The following NRG2 variants were observed in gnomAD, a reference collection of about 807,000 sequenced individuals.
The protein encoded by NRG2 is pro-neuregulin-2, membrane-bound isoform.
Under a neutral mutation model 73.9 loss-of-function variants are expected in NRG2, and 27 were observed. The observed-to-expected ratio is 0.37, with a 90% CI of 0.27 to 0.50. The LOEUF (loss-of-function observed/expected upper bound fraction) is 0.50, where lower values mean the gene tolerates loss of function less well. NRG2 is among the 20% of genes least tolerant of loss of function. NRG2 has a pLI of 0.96. For synonymous variants in NRG2, 532 were observed against 541.0 expected, an observed-to-expected ratio of 0.98 and a Z score of 0.23; for missense variants, 1,126 against 1,210.1, an observed-to-expected ratio of 0.93 and a Z score of 1.03.
At chr5:139,956,592 T>C (rs1428707128) in intron 1 of NRG2, among the ~76,000 whole-genome samples, 6 of 152,126 alleles carry the variant, frequency 3.9e-5, no homozygotes, top group African/African-American at 1.4e-4. Flanking sequence ...GAGGACATGA[T>C]AGTCTGAATG....
chr5:140,043,248 G>C lies in NRG2; in HGVS notation c.-179C>G. The C allele has an allele frequency of 1.6e-6, 1 of 616,094 alleles. No homozygotes were observed. The highest frequency in any genetic ancestry group is 2.7e-6 in the Non-Finnish European group (1 of 367,194). 38.2% of individuals were successfully genotyped at this position (616,094 alleles called of 1,614,324 possible). On this transcript the variant is annotated 5_prime_UTR_variant, in exon 1 of 10. Coordinates refer to ENST00000361474, the MANE Select transcript of NRG2 (RefSeq NM_004883.3). The surrounding 1 kb of genome is among the most constrained non-coding windows in gnomAD (Gnocchi z 6.7). ...GGCGGCAAGCGGGCCGCGATGCGCA[G>C]CGCGGCGCAGCGCAGCGCTCCCACC...
In NRG2 at chr5:140,017,682, C is replaced by T. The variant is rs541223769; in HGVS notation, c.700+24688G>A. Reference sequence around the variant, plus strand: ...ATGGAGTCGGAGATGGTAGAGCAGACAAATGCATATGAGAAGAGAAGAGGT... The same window carrying T: ...ATGGAGTCGGAGATGGTAGAGCAGATAAATGCATATGAGAAGAGAAGAGGT... On this transcript the variant is annotated intron_variant, in intron 1 of 9. Coordinates refer to ENST00000361474, the MANE Select transcript of NRG2 (RefSeq NM_004883.3). 4.6e-5 allele frequency among the ~76,000 whole-genome samples: 7 copies of T among 152,182 alleles called. No individual in the cohort carries two copies. The South Asian group carries it at 1.5e-3, about 32-fold the overall frequency.
chr5:140,018,820 T>A (rs1759997666), intron 1 of NRG2, among the ~76,000 whole-genome samples: 1 of 152,144 alleles, frequency 6.6e-6, no homozygotes. Context: ...TTCAAACCTT[T>A]GAGGCACTCC....
In NRG2 at chr5:139,950,625, G is replaced by A. The variant is rs75591209; in HGVS notation, c.701-63114C>T. 3.4e-3 allele frequency among the ~76,000 whole-genome samples: 521 copies of A among 152,298 alleles called. 3 individuals are homozygous for A. The highest frequency in any genetic ancestry group is 0.012 in the African/African-American group (490 of 41,542). On this transcript the variant is annotated intron_variant, in intron 1 of 9. Coordinates refer to ENST00000361474, the MANE Select transcript of NRG2 (RefSeq NM_004883.3). ...AGGTGCTTTTGCAATCACAGCTGCC[G>A]CCTTTCCTGGGGCAAATACTTTCCA...
At position 139,996,563 on chromosome 5, in the gene NRG2, G is replaced by A. The variant is rs147257379; in HGVS notation, c.700+45807C>T. Among the ~76,000 whole-genome samples, 5 of 152,316 alleles carry A rather than the reference G, an allele frequency of 3.3e-5. No homozygotes were observed. In the East Asian group the frequency reaches 9.6e-4, roughly 29 times the overall value. On this transcript the variant is annotated intron_variant, in intron 1 of 9. Coordinates refer to ENST00000361474, the MANE Select transcript of NRG2 (RefSeq NM_004883.3). ...GTTGTAAAGAAAACACGTATCTTCA[G>A]GGACCTGACTGAAATCTCATTTCTT...
chr5:139,874,116 G>C (rs575389356), intron 3 of NRG2, among the ~76,000 whole-genome samples: 113 of 152,354 alleles, frequency 7.4e-4, no homozygotes, highest in African/African-American at 2.6e-3. Context: ...CAGTGGCAAA[G>C]CCATACTCCA....
chr5:139,967,166 G>A (rs536813791), intron 1 of NRG2, among the ~76,000 whole-genome samples: 3 of 152,306 alleles, frequency 2.0e-5, no homozygotes, highest in Admixed American at 6.5e-5. Context: ...GGCAATGGCC[G>A]GTGCTGGGGC....
chr5:139,879,321 C>T (rs947192608), intron 3 of NRG2, among the ~76,000 whole-genome samples: 4 of 152,120 alleles, frequency 2.6e-5, no homozygotes, highest in Non-Finnish European at 5.9e-5. Flanking sequence ...TCAAGAGATG[C>T]CATCAGAGCA....
At chr5:139,951,277 TTGTG>T (rs938827666) in intron 1 of NRG2, among the ~76,000 whole-genome samples, 1 of 152,160 alleles carries the variant, frequency 6.6e-6, no homozygotes, top group Non-Finnish European at 1.5e-5. Context: ...AGAGCAGTGT[TTGTG>T]TGTGTGTCTT....
intron 1 of NRG2, among the ~76,000 whole-genome samples, chr5:139,939,451 T>C (rs938165894): frequency 2.6e-5 from 4 of 152,004 alleles, no homozygotes; most frequent in African/African-American, 9.7e-5. Flanking sequence ...ATTTTTGTAT[T>C]TTCAGTAGAG....
chr5:139,963,585 C>T (rs1351359207), intron 1 of NRG2, among the ~76,000 whole-genome samples: 9 of 152,212 alleles, frequency 5.9e-5, no homozygotes, highest in Admixed American at 5.9e-4. Context: ...ATGTGCCAGC[C>T]ACCATGCCAA....
chr5:139,953,735 C>A (rs1040731191), intron 1 of NRG2, among the ~76,000 whole-genome samples: 10 of 152,262 alleles, frequency 6.6e-5, no homozygotes, highest in African/African-American at 2.4e-4. Flanking sequence ...CGTAGGAGGG[C>A]CCCAGCCCGG....
intron 1 of NRG2, among the ~76,000 whole-genome samples, chr5:140,019,003 AG>A (rs35427355): frequency 1.3e-5 from 2 of 152,250 alleles, no homozygotes; most frequent in African/African-American, 4.8e-5. Context: ...CCCAAAGCAC[AG>A]GGTAAGACAG....
rs1762105820 is a variant in NRG2, at chr5:140,043,128, C to G, written c.-59G>C. 1 of 1,550,710 alleles carries G rather than the reference C, an allele frequency of 6.4e-7. No homozygotes were observed. The highest frequency in any genetic ancestry group is 1.4e-5 in the African/African-American group (1 of 72,274). ...GCCGCCGCCGCCTTGGGAGGGGAAA[C>G]AGAGCCCGCTGGAAAACCGGAAACA... On this transcript the variant is annotated 5_prime_UTR_variant, in exon 1 of 10. Coordinates refer to ENST00000361474, the MANE Select transcript of NRG2 (RefSeq NM_004883.3). The surrounding 1 kb of genome is among the most constrained non-coding windows in gnomAD (Gnocchi z 6.7).
intron 1 of NRG2, among the ~76,000 whole-genome samples, chr5:140,028,762 T>C (rs546749150): frequency 8.0e-4 from 122 of 152,262 alleles, no homozygotes; most frequent in Non-Finnish European, 1.4e-3. Context: ...TGTGTAATTC[T>C]CCTCCCCTTG....
At chr5:140,015,556 A>C (rs1022240386) in intron 1 of NRG2, among the ~76,000 whole-genome samples, 2 of 152,182 alleles carry the variant, frequency 1.3e-5, no homozygotes, top group African/African-American at 4.8e-5. Context: ...CCTGAAAATG[A>C]ATGAGGTAGG....
chr5:139,911,966 T>C (rs1157362685), intron 1 of NRG2, among the ~76,000 whole-genome samples: 1 of 152,150 alleles, frequency 6.6e-6, no homozygotes, highest in Non-Finnish European at 1.5e-5. Flanking sequence ...TATACCACCC[T>C]GGGGTACAGT....
chr5:139,939,203 C>A (rs895501444), intron 1 of NRG2, among the ~76,000 whole-genome samples: 6 of 102,226 alleles, frequency 5.9e-5, no homozygotes, highest in Non-Finnish European at 1.2e-4. Context: ...GCAAAGATTT[C>A]TTTCCTTCCT....
chr5:139,885,345 C>G (rs1034193623), intron 2 of NRG2, among the ~76,000 whole-genome samples: 6 of 152,152 alleles, frequency 3.9e-5, no homozygotes, highest in African/African-American at 7.2e-5. Flanking sequence ...AGCAGGTATT[C>G]CCAGGCCGAG....
Sources: allele counts gnomAD v4.1 joint callset (sites outside exome capture counted in the v4.1 genomes callset), GRCh38; gene constraint gnomAD v4.1.1; non-coding constraint Gnocchi (gnomAD v3.1); transcripts MANE v1.5; gene names NCBI Gene and HGNC (gene_info 2026-07-23, HGNC 2026-07-21).